The following TMEM63C variants were observed in gnomAD, a reference collection of about 807,000 sequenced individuals.
The protein encoded by TMEM63C is osmosensitive cation channel TMEM63C.
A neutral mutation model predicts 99.2 loss-of-function variants in TMEM63C; 32 were observed. The observed-to-expected ratio is 0.32, with a 90% CI of 0.24 to 0.43. The LOEUF is 0.43. Among genes scored for constraint, TMEM63C ranks in the 20% least tolerant of loss-of-function variants. The pLI is 1.00. For synonymous variants in TMEM63C, 376 were observed against 397.9 expected, an observed-to-expected ratio of 0.94 and a Z score of 0.66; for missense variants, 826 against 1,053.0, an observed-to-expected ratio of 0.78 and a Z score of 2.98.
In TMEM63C at chr14:77,230,584, C is replaced by T. The variant is rs149363007; in HGVS notation, c.351-1004C>T. 2.5e-3 allele frequency among the ~76,000 whole-genome samples: 378 copies of T among 152,238 alleles called. 1 individual carries two copies. Among genetic ancestry groups the T allele is most frequent in the African/African-American group, 8.5e-3 (353 of 41,542 alleles). Reference sequence around the variant, plus strand: ...TGAGCTCTGCCTCCTGTCAGATCAGCGGCGGCATGAGCTTCTCATAGGAGC... The same window carrying T: ...TGAGCTCTGCCTCCTGTCAGATCAGTGGCGGCATGAGCTTCTCATAGGAGC... On this transcript the variant is annotated intron_variant, in intron 6 of 23. Transcript: ENST00000298351.
At chr14:77,228,536 A>C (rs976397779) in intron 6 of TMEM63C, among the ~76,000 whole-genome samples, 6 of 139,568 alleles carry the variant, frequency 4.3e-5, no homozygotes, top group Non-Finnish European at 9.0e-5. Flanking sequence ...GTTTAAAAAT[A>C]AATCTTTTTT....
intron 1 of TMEM63C, among the ~76,000 whole-genome samples, chr14:77,200,565 C>T (rs1440387482): frequency 1.3e-5 from 2 of 152,248 alleles, no homozygotes; most frequent in African/African-American, 4.8e-5. Context: ...AGGCAGCCAA[C>T]GTGGCTCTGG....
rs403786 is a variant in TMEM63C, at chr14:77,229,020, G to A, written c.351-2568G>A. On this transcript the variant is annotated intron_variant, in intron 6 of 23. Coordinates refer to ENST00000298351, the MANE Select transcript of TMEM63C (RefSeq NM_020431.4). ...ACTGTCACCATTACGTAAAACCATCGGAAAATGCTTGAGATTAAATGCCAA... is the reference window on the plus strand; with the variant it reads ...ACTGTCACCATTACGTAAAACCATCAGAAAATGCTTGAGATTAAATGCCAA... Among the ~76,000 whole-genome samples, 1,497 of 152,210 alleles carry A rather than the reference G, an allele frequency of 9.8e-3. 6 individuals are homozygous for A. Among genetic ancestry groups the A allele is most frequent in the Non-Finnish European group, 0.013 (886 of 68,012 alleles).
chr14:77,221,341 CCCCCTCCCACTCACGCCT>C (rs1256090654), intron 5 of TMEM63C, among the ~76,000 whole-genome samples: 4 of 62,348 alleles, frequency 6.4e-5, no homozygotes, highest in Non-Finnish European at 1.1e-4. Flanking sequence ...CCCACTCACG[CCCCCTCCCACTCACGCCT>C]CCCCTCCCAC....
In TMEM63C at chr14:77,253,392, C is replaced by A; in HGVS notation, c.2220+16C>A. 6.2e-7 allele frequency: 1 copy of A among 1,602,946 alleles called. No homozygotes were observed. ...CACCTCCCTCGTGAGTCCTGAGTCC[C>A]AGGGACAGGTTGGGAGGGTGGTGCT... On this transcript the variant is annotated intron_variant, in intron 23 of 23. Transcript: ENST00000298351.
At chr14:77,194,343 T>C (rs1461409445) in intron 1 of TMEM63C, among the ~76,000 whole-genome samples, 1 of 25,740 alleles carries the variant, frequency 3.9e-5, no homozygotes. Flanking sequence ...TATATGTGTG[T>C]GTGTGTGTGT....
chr14:77,209,030 G>A (rs933549504), intron 1 of TMEM63C, among the ~76,000 whole-genome samples: 9 of 152,106 alleles, frequency 5.9e-5, no homozygotes, highest in African/African-American at 1.9e-4. Flanking sequence ...GACGTTTGGG[G>A]ACCTCTCGGG....
intron 1 of TMEM63C, among the ~76,000 whole-genome samples, chr14:77,207,471 C>T (rs918326605): frequency 2.0e-5 from 3 of 152,222 alleles, no homozygotes; most frequent in Non-Finnish European, 2.9e-5. Flanking sequence ...CTCCTGTACC[C>T]CAGAAATACA....
chr14:77,245,212 A>T (rs1447373063), intron 16 of TMEM63C, among the ~76,000 whole-genome samples: 1 of 152,226 alleles, frequency 6.6e-6, no homozygotes, highest in African/African-American at 2.4e-5. Flanking sequence ...TCTTTAACAC[A>T]GAGACATCAA....
intron 8 of TMEM63C, 29 bp from the exon 9 acceptor site, chr14:77,236,595 C>T (rs755705745): frequency 2.0e-6 from 3 of 1,515,434 alleles, no homozygotes; most frequent in South Asian, 2.2e-5. Context: ...CACAGGCTGA[C>T]CTCACTGCTG....
At chr14:77,182,422 T>C (rs897495247) in intron 1 of TMEM63C, among the ~76,000 whole-genome samples, 3 of 152,198 alleles carry the variant, frequency 2.0e-5, no homozygotes, top group African/African-American at 7.2e-5. Context: ...TTTCCCCATG[T>C]GCTTCCAAAG....
chr14:77,251,741 A>G (rs1253292814), intron 21 of TMEM63C, 48 bp from the exon 22 acceptor site: 8 of 1,517,574 alleles, frequency 5.3e-6, no homozygotes, highest in African/African-American at 1.4e-5. Context: ...TTGGGGTGGC[A>G]TCTCGGCTGG....
intron 1 of TMEM63C, among the ~76,000 whole-genome samples, chr14:77,206,058 C>T (rs76304389): frequency 0.013 from 1,981 of 152,300 alleles, 43 homozygotes; most frequent in African/African-American, 0.046. Context: ...CTCCGTCAGG[C>T]TCAGAGGTAA....
chr14:77,226,802 T>C (rs1174627718), intron 6 of TMEM63C, among the ~76,000 whole-genome samples: 3 of 149,070 alleles, frequency 2.0e-5, no homozygotes, highest in African/African-American at 7.4e-5. Context: ...AGAATATCTC[T>C]CTGTCACCAG....
intron 6 of TMEM63C, among the ~76,000 whole-genome samples, chr14:77,229,366 A>G (rs1019170061): frequency 1.3e-5 from 2 of 152,134 alleles, no homozygotes; most frequent in African/African-American, 4.8e-5. Context: ...CACGCACTCC[A>G]GCCGGAGCTA....
In TMEM63C at chr14:77,256,880, C is replaced by G. The variant is rs1326330866; in HGVS notation, c.*154C>G. On this transcript the variant is annotated 3_prime_UTR_variant, in exon 24 of 24. Transcript: ENST00000298351. Reference sequence around the variant, plus strand: ...TCCACCACCCCAGCCATGGGCCATACGGGGGTCCTGACCTGCTGCCCGGCT... The same window carrying G: ...TCCACCACCCCAGCCATGGGCCATAGGGGGGTCCTGACCTGCTGCCCGGCT... The G allele has an allele frequency of 1.4e-6, 1 of 719,636 alleles. No individual in the cohort carries two copies. 44.6% of individuals were successfully genotyped at this position (719,636 alleles called of 1,614,324 possible).
Position 77,238,716 on chromosome 14 carries a change from C to A in TMEM63C, c.674C>A (p.Thr225Asn), listed in dbSNP as rs368356490. The A allele has an allele frequency of 8.2e-5, 132 of 1,613,808 alleles. No individual in the cohort carries two copies. Among genetic ancestry groups the A allele is most frequent in the Middle Eastern group, 3.3e-4 (2 of 6,084 alleles). The change falls in exon 10 of 24, where the codon ACC becomes AAC. Residue 225 changes from threonine to asparagine, a missense_variant. Coordinates refer to ENST00000298351, the MANE Select transcript of TMEM63C (RefSeq NM_020431.4). ...CAGGTCACAAGGACACTAATGATCA[C>A]CTATGTGCCCAAGGACATTGAAGAC... ...SQKVTRTLMI[T>N]YVPKDIEDPE...
At chr14:77,252,665 G>C (rs1889388610) in intron 22 of TMEM63C, among the ~76,000 whole-genome samples, 1 of 152,236 alleles carries the variant, frequency 6.6e-6, no homozygotes, top group African/African-American at 2.4e-5. Flanking sequence ...ATAAAGAAAA[G>C]AAAGCTGATT....
chr14:77,205,265 C>G (rs552531063), intron 1 of TMEM63C, among the ~76,000 whole-genome samples: 1 of 152,316 alleles, frequency 6.6e-6, no homozygotes, highest in Non-Finnish European at 1.5e-5. Context: ...TTAAGGAGAG[C>G]GAAGAAAGCC....
Sources: gnomAD v4.1 joint callset for allele counts (sites outside exome capture counted in the v4.1 genomes callset) on GRCh38, gnomAD v4.1.1 for gene constraint, MANE v1.5 for transcripts, NCBI Gene and HGNC (gene_info 2026-07-23, HGNC 2026-07-21) for gene names.